FMN1: variants seen among roughly 807,000 people sequenced by gnomAD.
FMN1 encodes the protein formin-1.
Under a neutral mutation model 132.4 loss-of-function variants are expected in FMN1, and 110 were observed. That is an observed-to-expected ratio of 0.83 (90% CI 0.71 to 0.97). The LOEUF (loss-of-function observed/expected upper bound fraction) is 0.97, where lower values mean the gene tolerates loss of function less well. FMN1 is among the 50% of genes least tolerant of loss of function. FMN1 has a pLI of 0.00. For synonymous variants in FMN1, 722 were observed against 651.7 expected (o/e 1.11, Z -1.64); for missense variants, 1,792 against 1,705.3 (o/e 1.05, Z -0.90).
intron 17 of FMN1, among the ~76,000 whole-genome samples, chr15:32,848,997 T>TTTTTC (rs1386623254): frequency 6.9e-6 from 1 of 144,420 alleles, no homozygotes; most frequent in African/African-American, 2.6e-5. Flanking sequence ...TTTTTTTTTT[T>TTTTTC]TTCAGAGACA....
chr15:33,116,734 A>C (rs2039941288), intron 4 of FMN1, among the ~76,000 whole-genome samples: 1 of 149,154 alleles, frequency 6.7e-6, no homozygotes, highest in Non-Finnish European at 1.5e-5. Context: ...AGATGCGAAA[A>C]CAAATAATAC....
chr15:32,818,796 G>GA (rs2058126285), intron 17 of FMN1, among the ~76,000 whole-genome samples: 1 of 152,094 alleles, frequency 6.6e-6, no homozygotes, highest in Non-Finnish European at 1.5e-5. Flanking sequence ...CATTCAGTAG[G>GA]AAACAGATCT....
At chr15:32,935,889 G>GTCC (rs1328347385) in intron 9 of FMN1, among the ~76,000 whole-genome samples, 2 of 151,960 alleles carry the variant, frequency 1.3e-5, no homozygotes, top group East Asian at 3.9e-4. Context: ...GCCTCCCAAA[G>GTCC]TGCTGGGATT....
At chr15:33,071,203 C>T (rs1465408250) in intron 5 of FMN1, among the ~76,000 whole-genome samples, 1 of 152,158 alleles carries the variant, frequency 6.6e-6, no homozygotes, top group Non-Finnish European at 1.5e-5. Context: ...GATGACTGTT[C>T]TTTTCTTTTG....
At chr15:32,967,294 C>T (rs545455393) in intron 8 of FMN1, among the ~76,000 whole-genome samples, 1 of 152,310 alleles carries the variant, frequency 6.6e-6, no homozygotes, top group East Asian at 1.9e-4. Flanking sequence ...CCACAGTTAC[C>T]TGTTGCTCAT....
Position 33,066,920 on chromosome 15 carries a change from C to T in FMN1, c.2044-1846G>A, listed in dbSNP as rs756896089. ...CTTCTCACTCTTCACTGTCTGCAGC[C>T]CTGCCTGCACTAAGGACTTCTGCAC... On this transcript the variant is annotated intron_variant, in intron 5 of 20. Transcript: ENST00000616417. The T allele has an allele frequency of 5.6e-6, 9 of 1,613,926 alleles. No individual in the cohort carries two copies. Among genetic ancestry groups the T allele is most frequent in the African/African-American group, 1.3e-5 (1 of 75,016 alleles).
At chr15:33,152,650 T>C (rs1325991584) in intron 4 of FMN1, among the ~76,000 whole-genome samples, 1 of 152,076 alleles carries the variant, frequency 6.6e-6, no homozygotes, top group Admixed American at 6.5e-5. Flanking sequence ...GCAGCATGAA[T>C]GGCAGAATTT....
intron 8 of FMN1, among the ~76,000 whole-genome samples, chr15:32,966,457 A>G (rs2031237603): frequency 6.6e-6 from 1 of 152,114 alleles, no homozygotes. Flanking sequence ...CACTGAACAT[A>G]CAATTCTAGC....
chr15:32,833,820 A>G (rs1217997512), intron 17 of FMN1, among the ~76,000 whole-genome samples: 1 of 152,200 alleles, frequency 6.6e-6, no homozygotes, highest in African/African-American at 2.4e-5. Flanking sequence ...AAAGGCCACA[A>G]TTTCAACTTC....
At chr15:32,889,515 C>T (rs986697058) in intron 15 of FMN1, among the ~76,000 whole-genome samples, 1 of 152,146 alleles carries the variant, frequency 6.6e-6, no homozygotes, top group African/African-American at 2.4e-5. Flanking sequence ...CTCATTTTTA[C>T]CTTCCCCCTA....
intron 6 of FMN1, among the ~76,000 whole-genome samples, chr15:33,057,635 T>A (rs2037278936): frequency 6.6e-6 from 1 of 152,146 alleles, no homozygotes; most frequent in African/African-American, 2.4e-5. Context: ...GCAGTAAAAG[T>A]AATGTCAAAC....
In FMN1 at chr15:32,981,543, AATT is replaced by A. The variant is rs3081379; in HGVS notation, c.2224-12069_2224-12067del. Among the ~76,000 whole-genome samples, 448 of 138,390 alleles carry A rather than the reference AATT, an allele frequency of 3.2e-3. 2 individuals carry two copies. Among genetic ancestry groups the A allele is most frequent in the Middle Eastern group, 0.011 (3 of 274 alleles). 90.8% of individuals were successfully genotyped at this position (138,390 alleles called of 152,430 possible). A position where few individuals can be genotyped will look rare whatever the true frequency, so the allele number is the denominator to read the frequency against. On this transcript the variant is annotated intron_variant, in intron 7 of 20. Transcript: ENST00000616417. ...AAATAATAATAATAATAATAATAAT[AATT>A]ATTATTATTATTATTATTACATTCT...
intron 9 of FMN1, among the ~76,000 whole-genome samples, chr15:32,943,036 C>T (rs572996636): frequency 2.0e-4 from 31 of 152,254 alleles, no homozygotes; most frequent in African/African-American, 7.2e-4. Flanking sequence ...TTTCAAAATC[C>T]AGAACTTTTT....
chr15:33,069,062 G>A (rs1184383307), intron 5 of FMN1, among the ~76,000 whole-genome samples: 2 of 152,274 alleles, frequency 1.3e-5, no homozygotes, highest in Admixed American at 6.5e-5. Flanking sequence ...AGATCCCCAA[G>A]GATCCACGTT....
intron 5 of FMN1, among the ~76,000 whole-genome samples, chr15:33,069,158 CA>C (rs773173929): frequency 6.6e-6 from 1 of 152,206 alleles, no homozygotes; most frequent in East Asian, 1.9e-4. Flanking sequence ...ACAGGACAGA[CA>C]AAACAACCTC....
intron 19 of FMN1, among the ~76,000 whole-genome samples, chr15:32,784,592 T>A (rs1246110703): frequency 6.6e-6 from 1 of 152,156 alleles, no homozygotes; most frequent in African/African-American, 2.4e-5. Flanking sequence ...AGATTTCAGA[T>A]TTTGGGCTCC....
chr15:33,119,133 CTAAG>C (rs1017545205), intron 4 of FMN1, among the ~76,000 whole-genome samples: 1 of 152,194 alleles, frequency 6.6e-6, no homozygotes. Flanking sequence ...GCTAAAAACA[CTAAG>C]TAGAGAGAAA....
intron 6 of FMN1, chr15:33,012,483 T>C (rs1217539544): frequency 9.0e-6 from 11 of 1,218,174 alleles, no homozygotes; most frequent in Non-Finnish European, 9.6e-6. Flanking sequence ...ACCTAAGAGA[T>C]TATTTTCAAC....
At chr15:33,047,968 A>G (rs2036767929) in intron 6 of FMN1, among the ~76,000 whole-genome samples, 2 of 152,184 alleles carry the variant, frequency 1.3e-5, no homozygotes, top group Admixed American at 1.3e-4. Flanking sequence ...GCGCGTGTGT[A>G]ATCTTTACAT....
Sources: allele counts gnomAD v4.1 joint callset (sites outside exome capture counted in the v4.1 genomes callset), GRCh38; gene constraint gnomAD v4.1.1; transcripts MANE v1.5; gene names NCBI Gene and HGNC (gene_info 2026-07-23, HGNC 2026-07-21).